Variants in FAM135A observed in about 807,000 individuals in gnomAD.
The protein encoded by FAM135A is protein FAM135A.
Under a neutral mutation model 146.8 loss-of-function variants are expected in FAM135A, and 79 were observed. The observed-to-expected ratio is 0.54, with a 90% confidence interval of 0.45 to 0.65. The LOEUF (loss-of-function observed/expected upper bound fraction) is 0.65. FAM135A is among the 30% of genes least tolerant of loss of function. The pLI is 0.00. For missense variants in FAM135A, 1,623 were observed against 1,758.2 expected (o/e 0.92, Z 1.38); for synonymous variants, 562 against 603.6 (o/e 0.93, Z 1.01).
intron 12 of FAM135A, chr6:70,503,657 G>A (rs564309753): frequency 6.6e-6 from 1 of 152,184 alleles, no homozygotes; most frequent in South Asian, 2.1e-4. Context: ...GTGATGATGA[G>A]TTCCTTCCAT....
At chr6:70,509,799 G>A (rs1790587543) in intron 12 of FAM135A, among the ~76,000 whole-genome samples, 1 of 152,074 alleles carries the variant, frequency 6.6e-6, no homozygotes, top group African/African-American at 2.4e-5. Context: ...GGGAACCCAG[G>A]CAGTAGATGC....
chr6:70,548,940 T>A (rs976219552), intron 20 of FAM135A, among the ~76,000 whole-genome samples: 5 of 151,650 alleles, frequency 3.3e-5, no homozygotes, highest in South Asian at 2.1e-4. Context: ...AATTAAAAAA[T>A]ATATATATAT....
intron 5 of FAM135A, among the ~76,000 whole-genome samples, chr6:70,456,422 T>C (rs528085295): frequency 5.3e-5 from 8 of 152,310 alleles, no homozygotes. Flanking sequence ...TACAGAGAAT[T>C]GTTTCTACTT....
intron 4 of FAM135A, among the ~76,000 whole-genome samples, chr6:70,447,835 A>C (rs1463827007): frequency 6.6e-6 from 1 of 152,106 alleles, no homozygotes; most frequent in Non-Finnish European, 1.5e-5. Flanking sequence ...CATGCTTCTC[A>C]CAGTTAAAAC....
At chr6:70,468,236 CCTT>C (rs1780852690) in intron 5 of FAM135A, among the ~76,000 whole-genome samples, 1 of 152,246 alleles carries the variant, frequency 6.6e-6, no homozygotes, top group South Asian at 2.1e-4. Flanking sequence ...ACACTGAAAG[CCTT>C]CTGTTTAAAA....
chr6:70,524,233 TTTTA>T, intron 14 of FAM135A, 106 bp from the exon 15 acceptor site: 1 of 1,388,632 alleles, frequency 7.2e-7, no homozygotes. Context: ...CCCTCTCTAG[TTTTA>T]TTTATGTTTG....
intron 20 of FAM135A, among the ~76,000 whole-genome samples, chr6:70,551,835 A>G (rs1467289314): frequency 6.6e-6 from 1 of 152,228 alleles, no homozygotes; most frequent in Non-Finnish European, 1.5e-5. Flanking sequence ...TGGCATTGCA[A>G]AACAATTCCA....
intron 2 of FAM135A, chr6:70,417,449 G>A (rs1767812739): frequency 4.5e-6 from 1 of 223,724 alleles, no homozygotes; most frequent in Admixed American, 6.5e-5. Context: ...CTGGCCTCAA[G>A]TGATTCTCCC....
chr6:70,419,069 CTG>C (rs1375450211), intron 2 of FAM135A, among the ~76,000 whole-genome samples: 1 of 152,214 alleles, frequency 6.6e-6, no homozygotes, highest in Non-Finnish European at 1.5e-5. Context: ...CAGAACATGA[CTG>C]TTACAATAAT....
At chr6:70,455,138 C>CAA (rs1778051253) in intron 5 of FAM135A, among the ~76,000 whole-genome samples, 1 of 151,962 alleles carries the variant, frequency 6.6e-6, no homozygotes, top group Non-Finnish European at 1.5e-5. Context: ...TTGAAGAGGT[C>CAA]CTTCACATCC....
chr6:70,425,507 G>C lies in FAM135A; in HGVS notation c.-133-932G>C, dbSNP rs117576345. On this transcript the variant is annotated intron_variant, in intron 2 of 21. Coordinates refer to ENST00000418814, the MANE Select transcript of FAM135A (RefSeq NM_001162529.3). Reference sequence around the variant, plus strand: ...AATAGCAGTTATGGGAGCTGGTAAAGTCTACATCTTTATAATGGAGAGAAG... The same window carrying C: ...AATAGCAGTTATGGGAGCTGGTAAACTCTACATCTTTATAATGGAGAGAAG... 1.9e-3 allele frequency among the ~76,000 whole-genome samples: 289 copies of C among 152,292 alleles called. 2 individuals carry two copies. Among genetic ancestry groups the C allele is most frequent in the Non-Finnish European group, 3.1e-3 (213 of 68,016 alleles).
In FAM135A at chr6:70,488,465, G is replaced by GC. The variant is rs35342937; in HGVS notation, c.824-2558dup. 9.0e-4 allele frequency among the ~76,000 whole-genome samples: 131 copies of GC among 146,204 alleles called. 1 individual carries two copies. The highest frequency in any genetic ancestry group is 1.8e-3 in the African/African-American group (70 of 39,720). On this transcript the variant is annotated intron_variant, in intron 10 of 21. Coordinates refer to ENST00000418814, the MANE Select transcript of FAM135A (RefSeq NM_001162529.3). ...ACCTTGGATTAGTAATAAGAGCCAA[G>GC]CCCCCCCCCCCAGAAATATATGATA...
intron 20 of FAM135A, among the ~76,000 whole-genome samples, chr6:70,546,930 C>A (rs963013090): frequency 1.3e-5 from 2 of 152,066 alleles, no homozygotes; most frequent in Admixed American, 6.6e-5. Context: ...AATATATAGA[C>A]ATTAGATGAC....
chr6:70,512,339 T>G (rs567884214), intron 12 of FAM135A, among the ~76,000 whole-genome samples: 1 of 151,954 alleles, frequency 6.6e-6, no homozygotes, highest in Non-Finnish European at 1.5e-5. Flanking sequence ...CTACAGATCT[T>G]TTTTGTGAAC....
chr6:70,440,738 A>C (rs1184676044), intron 4 of FAM135A, among the ~76,000 whole-genome samples: 1 of 152,190 alleles, frequency 6.6e-6, no homozygotes, highest in Non-Finnish European at 1.5e-5. Flanking sequence ...GATGTTACCT[A>C]CAAAGAAATG....
chr6:70,525,133 A>G lies in FAM135A; in HGVS notation c.2049A>G (p.Arg683=), dbSNP rs745867273. The G allele has an allele frequency of 1.4e-5, 22 of 1,567,552 alleles. No homozygotes were observed. The highest frequency in any genetic ancestry group is 1.8e-5 in the Non-Finnish European group (21 of 1,161,794). The change falls in exon 15 of 22, where the codon CGA becomes CGG. Residue 683 remains arginine (R), a synonymous_variant. Coordinates refer to ENST00000418814, the MANE Select transcript of FAM135A (RefSeq NM_001162529.3). ...TVKLGPWTEL[R]QEEILVDNLL... ...AACTAGGACCTTGGACAGAGCTTCG[A>G]CAAGAGGAAATACTTGTGGATAATT...
At chr6:70,487,142 C>T (rs1455903704) in intron 10 of FAM135A, among the ~76,000 whole-genome samples, 2 of 146,828 alleles carry the variant, frequency 1.4e-5, no homozygotes, top group Non-Finnish European at 3.0e-5. Context: ...GAGAAATATC[C>T]TATCAGGATC....
chr6:70,500,996 A>G (rs1309716117), intron 11 of FAM135A, among the ~76,000 whole-genome samples: 1 of 152,202 alleles, frequency 6.6e-6, no homozygotes. Context: ...GTCCCTTAGC[A>G]GAGCTGGTGC....
At chr6:70,486,148 G>A (rs781495600) in intron 10 of FAM135A, 1 of 1,611,668 alleles carries the variant, frequency 6.2e-7, no homozygotes, top group Admixed American at 1.7e-5. Context: ...CTAGTGCTGT[G>A]TGCAATCCTT....
Sources: allele counts gnomAD v4.1 joint callset (sites outside exome capture counted in the v4.1 genomes callset), GRCh38; gene constraint gnomAD v4.1.1; transcripts MANE v1.5; gene names NCBI Gene and HGNC (gene_info 2026-07-23, HGNC 2026-07-21).